Variants in C3 observed in about 807,000 individuals in gnomAD.
C3 encodes complement C3, also known as C3 and PZP-like alpha-2-macroglobulin domain-containing protein 1.
In C3, 97 loss-of-function variants were observed where a neutral mutation model predicts 207.9. That is an observed-to-expected ratio of 0.47 (90% confidence interval 0.40 to 0.55). The LOEUF (loss-of-function observed/expected upper bound fraction) is 0.55, where lower values mean the gene tolerates loss of function less well. C3 is among the 20% of genes least tolerant of loss of function. The probability of loss-of-function intolerance (pLI) is 0.00; values close to 1 mark genes in which losing one functional copy is unlikely to be tolerated. For synonymous variants in C3, 848 were observed against 857.6 expected (o/e 0.99, Z 0.20); for missense variants, 1,684 against 2,171.7 (o/e 0.78, Z 4.46).
At chr19:6,702,918 C>A (rs1459209314) in intron 17 of C3, 5 of 341,226 alleles carry the variant, frequency 1.5e-5, no homozygotes, top group Admixed American at 7.9e-5. Context: ...CCTGTGATCC[C>A]AGCTACTGTG....
intron 9 of C3, 38 bp from the exon 10 acceptor site, chr19:6,712,661 C>A: frequency 6.4e-7 from 1 of 1,557,170 alleles, no homozygotes; most frequent in East Asian, 2.2e-5. Context: ...TTCTGGGCCA[C>A]CCCTCAGGAT....
chr19:6,719,636 G>T lies in C3; in HGVS notation c.75-233C>A, dbSNP rs1968122712. ...TCCCACTCTCAGCCAGCTGGGCCTG[G>T]CCTTTGAAAGCCTGGGCAACGAGGG... On this transcript the variant is annotated intron_variant, in intron 1 of 40. Coordinates refer to ENST00000245907, the MANE Select transcript of C3 (RefSeq NM_000064.4). The surrounding 1 kb of genome is among the most constrained non-coding windows in gnomAD (Gnocchi z 5.4). 6.7e-6 allele frequency among the ~76,000 whole-genome samples: 1 copy of T among 148,274 alleles called. No homozygotes were observed. The highest frequency in any genetic ancestry group is 2.5e-5 in the African/African-American group (1 of 39,298).
At chr19:6,714,316 G>A in intron 5 of C3, 36 bp downstream of exon 5, 4 of 1,610,248 alleles carry the variant, frequency 2.5e-6, no homozygotes, top group Non-Finnish European at 3.4e-6. Flanking sequence ...CGGGGATAGG[G>A]GAGCCCTGAG....
intron 38 of C3, among the ~76,000 whole-genome samples, chr19:6,678,849 T>G (rs1917787065): frequency 6.6e-6 from 1 of 151,738 alleles, no homozygotes; most frequent in South Asian, 2.1e-4. Context: ...CCACACAGCC[T>G]CACACAACCA....
chr19:6,695,912 G>C (rs537108138), intron 23 of C3, among the ~76,000 whole-genome samples: 2 of 151,526 alleles, frequency 1.3e-5, no homozygotes, highest in South Asian at 4.2e-4. Context: ...TATCTGTATG[G>C]TTAAAAAAAT....
At chr19:6,717,892 CTG>C (rs901181698) in intron 4 of C3, 200 bp downstream of exon 4, 11 of 652,652 alleles carry the variant, frequency 1.7e-5, no homozygotes, top group African/African-American at 1.6e-4. Flanking sequence ...CTCTTTGCCT[CTG>C]TGTGTGTATT....
chr19:6,693,146 G>A, intron 25 of C3, 63 bp from the exon 26 acceptor site: 1 of 1,577,090 alleles, frequency 6.3e-7, no homozygotes, highest in Non-Finnish European at 8.7e-7. Context: ...ATGTCAACCA[G>A]CCAATGAGCG....
intron 14 of C3, 93 bp downstream of exon 14, chr19:6,709,591 C>G (rs1967860079): frequency 2.9e-6 from 4 of 1,360,048 alleles, no homozygotes; most frequent in South Asian, 1.2e-5. Flanking sequence ...GCATGCCCCC[C>G]ACTGCACTGC....
At chr19:6,694,719 C>T (rs1918265097) in intron 23 of C3, 85 bp from the exon 24 acceptor site, 2 of 1,249,930 alleles carry the variant, frequency 1.6e-6, no homozygotes, top group Admixed American at 1.9e-5. Context: ...AGCCTCCCAA[C>T]CAGCCAGGGC....
intron 17 of C3, among the ~76,000 whole-genome samples, chr19:6,705,890 T>C (rs1373346886): frequency 6.6e-6 from 1 of 151,752 alleles, no homozygotes; most frequent in Non-Finnish European, 1.5e-5. Flanking sequence ...GCCAGACTAG[T>C]CTTGAACTCC....
In C3 at chr19:6,713,731, C is replaced by T. The variant is rs1599525174; in HGVS notation, c.774-222G>A. The T allele has an allele frequency of 6.3e-5, 25 of 393,856 alleles. No homozygotes were observed. In the East Asian group the frequency reaches 1.2e-3, roughly 18 times the overall value. 24.4% of individuals were successfully genotyped at this position (393,856 alleles called of 1,614,324 possible). A position where few individuals can be genotyped will look rare whatever the true frequency, so the allele number is the denominator to read the frequency against. ...CTCCAGCCCCTCACCTGGCCCCACCCCCAGCCCCCCACCTTCCCCACTCCC... is the reference window on the plus strand; with the variant it reads ...CTCCAGCCCCTCACCTGGCCCCACCTCCAGCCCCCCACCTTCCCCACTCCC... On this transcript the variant is annotated intron_variant, in intron 7 of 40. Coordinates refer to ENST00000245907, the MANE Select transcript of C3 (RefSeq NM_000064.4).
intron 14 of C3, 38 bp from the exon 15 acceptor site, chr19:6,707,967 C>A (rs1411465066): frequency 6.2e-7 from 1 of 1,610,834 alleles, no homozygotes; most frequent in Non-Finnish European, 8.5e-7. Context: ...GCAGGGAGGC[C>A]AGGCTGACAA....
chr19:6,680,093 A>G, intron 36 of C3, 65 bp downstream of exon 36: 1 of 880,746 alleles, frequency 1.1e-6, no homozygotes, highest in Non-Finnish European at 2.0e-6. Flanking sequence ...CCCACAATTC[A>G]TATATACCTG....
chr19:6,693,298 C>T, intron 25 of C3, 114 bp downstream of exon 25: 1 of 1,187,046 alleles, frequency 8.4e-7, no homozygotes, highest in African/African-American at 1.5e-5. Context: ...CTCTGCAGGT[C>T]CAGGGCTGTT....
At chr19:6,699,883 A>C (rs1032710546) in intron 19 of C3, among the ~76,000 whole-genome samples, 1 of 151,184 alleles carries the variant, frequency 6.6e-6, no homozygotes, top group African/African-American at 2.4e-5. Flanking sequence ...TATTTAAATT[A>C]AATAGAATGT....
chr19:6,717,640 T>G lies in C3; in HGVS notation c.504+454A>C, dbSNP rs200750220. 1.3e-3 allele frequency: 383 copies of G among 289,936 alleles called. 2 individuals carry two copies. In the East Asian group the frequency reaches 0.026, roughly 20 times the overall value. The allele number at this position is 289,936 out of a possible 1,614,324, so 18.0% of individuals were successfully genotyped here. ...GTTGTGTGATAGTGTTGTGTGGTTGTGTGTTGTGTGTGGTGTGGTTATGTA... is the reference window on the plus strand; with the variant it reads ...GTTGTGTGATAGTGTTGTGTGGTTGGGTGTTGTGTGTGGTGTGGTTATGTA... On this transcript the variant is annotated intron_variant, in intron 4 of 40. Coordinates refer to ENST00000245907, the MANE Select transcript of C3 (RefSeq NM_000064.4).
intron 11 of C3, among the ~76,000 whole-genome samples, chr19:6,711,412 G>A (rs1350167149): frequency 6.6e-6 from 1 of 152,148 alleles, no homozygotes; most frequent in Non-Finnish European, 1.5e-5. Flanking sequence ...GGAGAAAGGA[G>A]AGACAGAGAC....
chr19:6,711,553 C>T (rs767503720), intron 11 of C3, among the ~76,000 whole-genome samples: 1 of 152,150 alleles, frequency 6.6e-6, no homozygotes, highest in Non-Finnish European at 1.5e-5. Context: ...CCCCCAGAGC[C>T]AGGACTTCTG....
At chr19:6,707,957 G>A in intron 14 of C3, 28 bp from the exon 15 acceptor site, 1 of 1,612,172 alleles carries the variant, frequency 6.2e-7, no homozygotes, top group African/African-American at 1.3e-5. Flanking sequence ...GTGGCGGGAC[G>A]CAGGGAGGCC....
Sources: gnomAD v4.1 joint callset for allele counts (sites outside exome capture counted in the v4.1 genomes callset) on GRCh38, gnomAD v4.1.1 for gene constraint, Gnocchi (gnomAD v3.1) non-coding constraint, MANE v1.5 for transcripts, NCBI Gene and HGNC (gene_info 2026-07-23, HGNC 2026-07-21) for gene names.